TIAM2: variants seen among roughly 807,000 people sequenced by gnomAD.
The protein encoded by TIAM2 is TIAM Rac1 associated GEF 2.
Under a neutral mutation model 152.9 loss-of-function variants are expected in TIAM2, and 80 were observed. The ratio of observed to expected loss-of-function variants is 0.52; its 90% CI spans 0.44 to 0.63. TIAM2 has a LOEUF of 0.63. Among genes scored for constraint, TIAM2 ranks in the 30% least tolerant of loss-of-function variants. The pLI, the probability that TIAM2 is intolerant of heterozygous loss-of-function variation, is 0.00. For missense variants in TIAM2, 1,965 were observed against 2,120.1 expected (o/e 0.93, Z 1.44); for synonymous variants, 804 against 838.0 (o/e 0.96, Z 0.70).
At chr6:155,063,781 C>CAAAACA (rs1777635914) in intron 1 of TIAM2, among the ~76,000 whole-genome samples, 1 of 91,100 alleles carries the variant, frequency 1.1e-5, no homozygotes, top group Non-Finnish European at 2.0e-5. Flanking sequence ...GACTCTGTCT[C>CAAAACA]AAAAAAAAAA....
intron 1 of TIAM2, among the ~76,000 whole-genome samples, chr6:155,031,707 A>C (rs1477683750): frequency 6.6e-6 from 1 of 152,124 alleles, no homozygotes; most frequent in Non-Finnish European, 1.5e-5. Context: ...CTGGGCACAG[A>C]GTGTGTGTCT....
intron 1 of TIAM2, among the ~76,000 whole-genome samples, chr6:155,012,555 T>C (rs1778506783): frequency 6.6e-6 from 1 of 152,216 alleles, no homozygotes; most frequent in Admixed American, 6.5e-5. Flanking sequence ...AAATTTATTT[T>C]ATTTTATTTT....
intron 2 of TIAM2, among the ~76,000 whole-genome samples, chr6:155,106,695 A>G (rs1204802309): frequency 6.6e-6 from 1 of 152,246 alleles, no homozygotes; most frequent in Non-Finnish European, 1.5e-5. Context: ...CTTAAAAAAG[A>G]AGCTGAGGCT....
chr6:155,105,720 G>C (rs1405178352), intron 2 of TIAM2, among the ~76,000 whole-genome samples: 1 of 151,980 alleles, frequency 6.6e-6, no homozygotes, highest in African/African-American at 2.4e-5. Flanking sequence ...CAAAGTGTTG[G>C]AATCACAGGC....
chr6:155,046,767 G>A (rs1456775497), intron 1 of TIAM2, among the ~76,000 whole-genome samples: 2 of 152,120 alleles, frequency 1.3e-5, no homozygotes, highest in Admixed American at 1.3e-4. Flanking sequence ...GCCTCTCTCG[G>A]GGAGACAGAG....
Position 155,031,230 on chromosome 6 carries a change from TA to T in TIAM2, c.-209+35742del, listed in dbSNP as rs562217337. On this transcript the variant is annotated intron_variant, in intron 1 of 26. Coordinates refer to ENST00000682666, the MANE Select transcript of TIAM2 (RefSeq NM_012454.4). ...CACTTCTTGTCAATTTCTTTGTTTT[TA>T]AAAGACTAAATACATATGTGCCTCT... Among the ~76,000 whole-genome samples the T allele has an allele frequency of 1.1e-4, 17 of 152,342 alleles. No homozygotes were observed. In the South Asian group the frequency reaches 3.5e-3, roughly 32 times the overall value.
intron 1 of TIAM2, among the ~76,000 whole-genome samples, chr6:155,044,386 T>G (rs1414785112): frequency 6.6e-6 from 1 of 152,230 alleles, no homozygotes; most frequent in African/African-American, 2.4e-5. Flanking sequence ...CCATTGAGGA[T>G]GCTGCATTCA....
chr6:155,174,528 G>A lies in TIAM2; in HGVS notation c.2362-2288G>A, dbSNP rs892443724. ...TGGGGCTACAGACGCGTGCCACCAT[G>A]CCCGGATAATTTTTATTTTTAGTAG... On this transcript the variant is annotated intron_variant, in intron 9 of 26. Coordinates refer to ENST00000682666, the MANE Select transcript of TIAM2 (RefSeq NM_012454.4). This position sits in a 1 kb window ranked among gnomAD's most constrained non-coding sequence, Gnocchi z 4.2. 1.3e-5 allele frequency among the ~76,000 whole-genome samples: 2 copies of A among 152,110 alleles called. No individual in the cohort carries two copies. The highest frequency in any genetic ancestry group is 4.8e-5 in the African/African-American group (2 of 41,432).
rs777189304 is a variant in TIAM2, at chr6:155,204,931, G to T, written c.3065-6273G>T. ...ATTAGGTTTGGTGATTCTGATTCCA[G>T]GATGGCACCTTGAACGCTGCGTCCT... On this transcript the variant is annotated intron_variant, in intron 14 of 26. Coordinates refer to ENST00000682666, the MANE Select transcript of TIAM2 (RefSeq NM_012454.4). 1.0e-3 allele frequency among the ~76,000 whole-genome samples: 152 copies of T among 152,190 alleles called. 1 individual carries two copies. Among genetic ancestry groups the T allele is most frequent in the Non-Finnish European group, 1.6e-3 (110 of 68,000 alleles).
chr6:155,230,467 AC>A (rs1271151420), intron 15 of TIAM2, among the ~76,000 whole-genome samples: 1 of 150,508 alleles, frequency 6.6e-6, no homozygotes, highest in African/African-American at 2.4e-5. Context: ...TTTCCGTAGG[AC>A]CCCCCACTTT....
intron 1 of TIAM2, among the ~76,000 whole-genome samples, chr6:155,013,446 T>A (rs1778522511): frequency 6.6e-6 from 1 of 152,224 alleles, no homozygotes; most frequent in South Asian, 2.1e-4. Context: ...CAACATTTAC[T>A]ACATACCTTT....
intron 15 of TIAM2, among the ~76,000 whole-genome samples, chr6:155,237,201 G>A (rs527799567): frequency 2.2e-4 from 33 of 152,232 alleles, no homozygotes; most frequent in Non-Finnish European, 3.7e-4. Context: ...ATGCAATTCC[G>A]AAATCCAGCA....
intron 5 of TIAM2, among the ~76,000 whole-genome samples, chr6:155,140,723 T>C (rs1340382468): frequency 6.6e-6 from 1 of 151,426 alleles, no homozygotes; most frequent in Non-Finnish European, 1.5e-5. Flanking sequence ...ATGGAGAAAA[T>C]AAGAACTGGG....
intron 10 of TIAM2, among the ~76,000 whole-genome samples, chr6:155,178,302 T>G (rs1026040736): frequency 1.3e-5 from 2 of 152,132 alleles, no homozygotes; most frequent in Non-Finnish European, 2.9e-5. Context: ...CATTTTCGTT[T>G]TGAAAGTTTT....
At chr6:155,029,294 C>G (rs562947319) in intron 1 of TIAM2, among the ~76,000 whole-genome samples, 1 of 116,208 alleles carries the variant, frequency 8.6e-6, no homozygotes, top group African/African-American at 3.1e-5. Flanking sequence ...GTTATATATA[C>G]TATATGTACT....
Position 155,106,827 on chromosome 6 carries a change from G to A in TIAM2, c.-118+16448G>A, listed in dbSNP as rs539527868. Among the ~76,000 whole-genome samples the A allele has an allele frequency of 6.6e-5, 10 of 152,350 alleles. No individual in the cohort carries two copies. In the South Asian group the frequency reaches 2.1e-3, roughly 32 times the overall value. On this transcript the variant is annotated intron_variant, in intron 2 of 26. Transcript: ENST00000682666. Reference sequence around the variant, plus strand: ...AGTCATGGGCGAGCCTGGCCTCTCCGAGGCATGATGGCAGGCTGTCCCGGC... The same window carrying A: ...AGTCATGGGCGAGCCTGGCCTCTCCAAGGCATGATGGCAGGCTGTCCCGGC...
intron 7 of TIAM2, among the ~76,000 whole-genome samples, chr6:155,159,648 G>C (rs1426832032): frequency 6.6e-6 from 1 of 152,082 alleles, no homozygotes; most frequent in African/African-American, 2.4e-5. Context: ...TCCAGCACTT[G>C]TACCTCTTCT....
intron 15 of TIAM2, among the ~76,000 whole-genome samples, chr6:155,226,537 C>T (rs573250780): frequency 8.5e-5 from 13 of 152,082 alleles, no homozygotes; most frequent in South Asian, 6.2e-4. Flanking sequence ...TGGTGGTGCA[C>T]GCCTGTAATC....
chr6:155,130,310 C>G lies in TIAM2; in HGVS notation c.1087C>G (p.Pro363Ala). The change falls in exon 4 of 27, where the codon CCC becomes GCC. Residue 363 changes from proline (P) to alanine (A), a missense_variant. Pro to Ala is a conservative substitution (Grantham distance 27). This residue lies in a region of TIAM2 where 1,025 missense variants were observed against 1,119.4 expected (regional missense o/e 0.92). Coordinates refer to ENST00000682666, the MANE Select transcript of TIAM2 (RefSeq NM_012454.4). ...YSSFTLPCRKPKAFVEDTAKK... is the reference protein window; with the variant it reads ...YSSFTLPCRKAKAFVEDTAKK... ...TTCCTTCACTCTCCCCTGTCGGAAGCCCAAAGCCTTTGTTGAGGATACTGC... is the reference window on the plus strand; with the variant it reads ...TTCCTTCACTCTCCCCTGTCGGAAGGCCAAAGCCTTTGTTGAGGATACTGC... 1 of 1,614,156 alleles carries G rather than the reference C, an allele frequency of 6.2e-7. No homozygotes were observed. The highest frequency in any genetic ancestry group is 8.5e-7 in the Non-Finnish European group (1 of 1,180,034).
Sources: gnomAD v4.1 joint callset for allele counts (sites outside exome capture counted in the v4.1 genomes callset) on GRCh38, gnomAD v4.1.1 for gene constraint, gnomAD v4.1.1 regional missense constraint, Gnocchi (gnomAD v3.1) non-coding constraint, MANE v1.5 for transcripts, NCBI Gene and HGNC (gene_info 2026-07-23, HGNC 2026-07-21) for gene names.